PDE8A: variants seen among roughly 807,000 people sequenced by gnomAD.
The protein encoded by PDE8A is phosphodiesterase 8A.
PDE8A carries 59 observed loss-of-function variants against 105.0 expected under a neutral mutation model. The ratio of observed to expected loss-of-function variants is 0.56; its 90% CI spans 0.46 to 0.70. The LOEUF (loss-of-function observed/expected upper bound fraction) is 0.70, where lower values mean the gene tolerates loss of function less well. Among genes scored for constraint, PDE8A ranks in the 30% least tolerant of loss-of-function variants. The pLI, the probability that PDE8A is intolerant of heterozygous loss-of-function variation, is 0.00. For missense variants in PDE8A, 1,014 were observed against 1,045.9 expected (o/e 0.97, Z 0.42); for synonymous variants, 355 against 371.9 (o/e 0.95, Z 0.52).
intron 1 of PDE8A, among the ~76,000 whole-genome samples, chr15:85,024,041 C>T (rs1424296494): frequency 6.6e-6 from 1 of 151,774 alleles, no homozygotes; most frequent in African/African-American, 2.4e-5. Flanking sequence ...GTCATTGGGC[C>T]TTTGCTTGTA....
chr15:85,079,528 A>G (rs2081431959), intron 5 of PDE8A, among the ~76,000 whole-genome samples: 1 of 152,264 alleles, frequency 6.6e-6, no homozygotes, highest in African/African-American at 2.4e-5. Flanking sequence ...AAGAGGAAAT[A>G]GGGAGTTTAC....
At chr15:85,091,275 A>G in intron 8 of PDE8A, 94 bp downstream of exon 8, 1 of 1,121,956 alleles carries the variant, frequency 8.9e-7, no homozygotes, top group South Asian at 2.1e-5. Context: ...TCTTAATCTT[A>G]CTCCTCCCAG....
In PDE8A at chr15:85,087,881, A is replaced by C. The variant is rs151048628; in HGVS notation, c.636-1457A>C. ...TAGAACATTTTTCAATGCTTATTGAAAATAATTAGATTTTTTTCTATAAAA... is the reference window on the plus strand; with the variant it reads ...TAGAACATTTTTCAATGCTTATTGACAATAATTAGATTTTTTTCTATAAAA... On this transcript the variant is annotated intron_variant, in intron 6 of 21. Coordinates refer to ENST00000394553, the MANE Select transcript of PDE8A (RefSeq NM_002605.3). Among the ~76,000 whole-genome samples the C allele has an allele frequency of 1.5e-3, 223 of 152,304 alleles. 1 individual carries two copies. The highest frequency in any genetic ancestry group is 2.6e-3 in the Non-Finnish European group (176 of 68,032).
intron 21 of PDE8A, 66 bp downstream of exon 21, chr15:85,136,729 A>G (rs1411571264): frequency 7.4e-6 from 11 of 1,482,526 alleles, no homozygotes; most frequent in Middle Eastern, 2.2e-4. Context: ...ATGAAAGAGC[A>G]GAGTGCATTT....
At chr15:85,003,421 C>G (rs2142183639) in intron 1 of PDE8A, among the ~76,000 whole-genome samples, 1 of 152,284 alleles carries the variant, frequency 6.6e-6, no homozygotes, top group South Asian at 2.1e-4. Context: ...CCTGCCCACC[C>G]CAGCAGCCAG....
In PDE8A at chr15:85,008,072, G is replaced by C. The variant is rs375381010; in HGVS notation, c.186+25724G>C. Among the ~76,000 whole-genome samples the C allele has an allele frequency of 1.1e-4, 17 of 152,260 alleles. No individual in the cohort carries two copies. In the East Asian group the frequency reaches 2.9e-3, roughly 26 times the overall value. On this transcript the variant is annotated intron_variant, in intron 1 of 21. Transcript: ENST00000394553. ...TGTATGTGAGTGACTTAGAGGTCAA[G>C]AGAAGGTGGCAGGGGTGGCATTGCT...
At chr15:85,135,546 A>G (rs905321847) in intron 20 of PDE8A, among the ~76,000 whole-genome samples, 1 of 151,842 alleles carries the variant, frequency 6.6e-6, no homozygotes, top group African/African-American at 2.4e-5. Flanking sequence ...CCCTGTTCTC[A>G]TCCTGCCCCA....
chr15:85,137,894 T>G lies in PDE8A; in HGVS notation c.2481T>G (p.Pro827=). ...TGAAGCTGCGGAACCTCCGACCACCTCCTGAATAGTGGGAGACACCACCCA... is the reference window on the plus strand; with the variant it reads ...TGAAGCTGCGGAACCTCCGACCACCGCCTGAATAGTGGGAGACACCACCCA... ...DEMKLRNLRP[P]PE The change falls in exon 22 of 22, where the codon CCT becomes CCG. Residue 827 remains proline (P), a synonymous_variant. Transcript: ENST00000394553. The G allele has an allele frequency of 6.3e-7, 1 of 1,595,800 alleles. No individual in the cohort carries two copies. The highest frequency in any genetic ancestry group is 8.6e-7 in the Non-Finnish European group (1 of 1,163,346).
chr15:85,085,684 A>G (rs1049630879), intron 6 of PDE8A, among the ~76,000 whole-genome samples: 45 of 150,334 alleles, frequency 3.0e-4, no homozygotes, highest in African/African-American at 1.1e-3. Flanking sequence ...TCAAAAAAAA[A>G]AAAAACAGAC....
At chr15:85,121,992 G>T (rs2082189722) in intron 18 of PDE8A, among the ~76,000 whole-genome samples, 1 of 152,112 alleles carries the variant, frequency 6.6e-6, no homozygotes. Flanking sequence ...TGAGCTCTTA[G>T]AGACTCAAAG....
chr15:85,040,826 TG>T (rs1441840110), intron 1 of PDE8A, among the ~76,000 whole-genome samples: 4 of 152,228 alleles, frequency 2.6e-5, no homozygotes, highest in Non-Finnish European at 5.9e-5. Flanking sequence ...CCCAAAATGC[TG>T]GGATTACAGG....
At chr15:85,134,233 CAG>C (rs1378719928) in intron 20 of PDE8A, among the ~76,000 whole-genome samples, 1 of 152,222 alleles carries the variant, frequency 6.6e-6, no homozygotes, top group African/African-American at 2.4e-5. Context: ...AGCAGAAAGA[CAG>C]AACAGCCTCT....
intron 1 of PDE8A, among the ~76,000 whole-genome samples, chr15:85,019,171 C>G (rs2141349390): frequency 6.6e-6 from 1 of 152,220 alleles, no homozygotes. Context: ...GAGTTAAAAA[C>G]TCTTCTGTAA....
chr15:85,135,455 C>G (rs1256508791), intron 20 of PDE8A, among the ~76,000 whole-genome samples: 1 of 152,072 alleles, frequency 6.6e-6, no homozygotes, highest in Non-Finnish European at 1.5e-5. Context: ...ATCCCTTCAC[C>G]CGGCCCCACA....
intron 5 of PDE8A, among the ~76,000 whole-genome samples, chr15:85,082,423 G>T (rs2081481995): frequency 6.6e-6 from 1 of 152,128 alleles, no homozygotes. Context: ...GGTAGGAACA[G>T]TATTATTTTT....
intron 1 of PDE8A, among the ~76,000 whole-genome samples, chr15:85,019,917 G>C (rs917597345): frequency 6.7e-6 from 1 of 148,424 alleles, no homozygotes; most frequent in African/African-American, 2.5e-5. Flanking sequence ...TGGGTCTCTG[G>C]AGAACTTTGG....
At chr15:85,124,717 T>G (rs948572444) in intron 19 of PDE8A, among the ~76,000 whole-genome samples, 2 of 152,320 alleles carry the variant, frequency 1.3e-5, no homozygotes, top group African/African-American at 4.8e-5. Context: ...CAAAGACTTT[T>G]AACAGAGGTG....
At chr15:85,134,919 T>C (rs541957291) in intron 20 of PDE8A, among the ~76,000 whole-genome samples, 107 of 151,984 alleles carry the variant, frequency 7.0e-4, no homozygotes, top group Non-Finnish European at 1.3e-3. Context: ...GGTGACTGAG[T>C]GCACAGAAAA....
intron 1 of PDE8A, among the ~76,000 whole-genome samples, chr15:84,989,215 C>G (rs2079849193): frequency 6.6e-6 from 1 of 152,232 alleles, no homozygotes; most frequent in African/African-American, 2.4e-5. Context: ...CTACAGGCAC[C>G]ATGTGTAGTT....
Sources: allele counts gnomAD v4.1 joint callset (sites outside exome capture counted in the v4.1 genomes callset), GRCh38; gene constraint gnomAD v4.1.1; transcripts MANE v1.5; gene names NCBI Gene and HGNC (gene_info 2026-07-23, HGNC 2026-07-21).